Variants in ANXA6 observed in about 807,000 individuals in gnomAD.
ANXA6 encodes the protein 67 kDa calelectrin.
A neutral mutation model predicts 95.4 loss-of-function variants in ANXA6; 71 were observed. The ratio of observed to expected loss-of-function variants is 0.74; its 90% CI spans 0.61 to 0.91. The LOEUF (loss-of-function observed/expected upper bound fraction) is 0.91, where lower values mean the gene tolerates loss of function less well. ANXA6 is among the 40% of genes least tolerant of loss of function. The pLI is 0.00. For missense variants in ANXA6, 830 were observed against 876.4 expected, an observed-to-expected ratio of 0.95 and a Z score of 0.67; for synonymous variants, 289 against 315.9, an observed-to-expected ratio of 0.91 and a Z score of 0.90.
chr5:151,154,816 C>T (rs1458223029), intron 1 of ANXA6: 1 of 152,226 alleles, frequency 6.6e-6, no homozygotes, highest in African/African-American at 2.4e-5. Context: ...TAGGTTTGAA[C>T]CCCAGCTTGG....
At chr5:151,104,599 A>C (rs540448974) in intron 24 of ANXA6, among the ~76,000 whole-genome samples, 10 of 152,240 alleles carry the variant, frequency 6.6e-5, no homozygotes, top group Non-Finnish European at 1.3e-4. Context: ...GTGAGTGCTC[A>C]ATGAATGGCT....
chr5:151,133,407 C>A, intron 8 of ANXA6: 1 of 544,740 alleles, frequency 1.8e-6, no homozygotes, highest in Non-Finnish European at 3.3e-6. Flanking sequence ...TCATAGAGCA[C>A]TCGCACACAC....
intron 8 of ANXA6, 135 bp downstream of exon 8, chr5:151,134,292 C>T (rs1444231670): frequency 2.5e-6 from 2 of 811,974 alleles, no homozygotes; most frequent in East Asian, 2.4e-5. Flanking sequence ...CACCGGTATA[C>T]ATGACAGCTG....
At chr5:151,133,715 T>C (rs560998372) in intron 8 of ANXA6, among the ~76,000 whole-genome samples, 2 of 152,336 alleles carry the variant, frequency 1.3e-5, no homozygotes, top group South Asian at 4.1e-4. Context: ...TATACCTATA[T>C]GCCTTTCTTC....
At chr5:151,110,338 A>T (rs758602855) in intron 21 of ANXA6, among the ~76,000 whole-genome samples, 1 of 150,636 alleles carries the variant, frequency 6.6e-6, no homozygotes, top group African/African-American at 2.5e-5. Flanking sequence ...AGTTCTATTT[A>T]TACTGATAGT....
chr5:151,140,924 G>A (rs939514782), intron 2 of ANXA6, among the ~76,000 whole-genome samples: 1 of 152,200 alleles, frequency 6.6e-6, no homozygotes, highest in Non-Finnish European at 1.5e-5. Flanking sequence ...CCAGCTCCAG[G>A]AACCTTGCAG....
chr5:151,103,343 A>C (rs546226624), intron 25 of ANXA6, among the ~76,000 whole-genome samples: 1 of 152,330 alleles, frequency 6.6e-6, no homozygotes, highest in South Asian at 2.1e-4. Flanking sequence ...AAAAAAGCAA[A>C]AAATGGGCTC....
chr5:151,105,972 G>A (rs575781706), intron 23 of ANXA6, among the ~76,000 whole-genome samples: 4 of 152,144 alleles, frequency 2.6e-5, no homozygotes, highest in Admixed American at 6.5e-5. Flanking sequence ...AAAGCCTTGC[G>A]CAAATCAGGA....
intron 12 of ANXA6, chr5:151,128,510 A>G (rs1765395734): frequency 1.2e-5 from 5 of 427,562 alleles, no homozygotes; most frequent in Non-Finnish European, 2.2e-5. Flanking sequence ...TTTGCTACCA[A>G]TATGCGGAGT....
intron 20 of ANXA6, 114 bp downstream of exon 20, chr5:151,117,013 C>T (rs753058825): frequency 4.8e-5 from 45 of 937,568 alleles, no homozygotes; most frequent in East Asian, 3.5e-4. Context: ...AAACCAACCA[C>T]GCCCCTGCCA....
intron 2 of ANXA6, among the ~76,000 whole-genome samples, chr5:151,144,311 TAGC>T (rs763144124): frequency 3.9e-5 from 6 of 152,360 alleles, no homozygotes; most frequent in Non-Finnish European, 5.9e-5. Flanking sequence ...AACAGTCAAA[TAGC>T]AGCAGATTTC....
intron 20 of ANXA6, among the ~76,000 whole-genome samples, chr5:151,116,490 C>A (rs559792389): frequency 6.6e-6 from 1 of 152,312 alleles, no homozygotes; most frequent in East Asian, 1.9e-4. Context: ...CAGAAGAAGC[C>A]ATTTCCAGAC....
chr5:151,101,404 C>T lies in ANXA6; in HGVS notation c.*44G>A, dbSNP rs371158375. The T allele has an allele frequency of 4.7e-4, 678 of 1,448,152 alleles. 7 individuals carry two copies. The South Asian group carries it at 7.4e-3, about 16-fold the overall frequency. 89.7% of individuals were successfully genotyped at this position (1,448,152 alleles called of 1,614,324 possible). On this transcript the variant is annotated 3_prime_UTR_variant, in exon 26 of 26. Transcript: ENST00000354546. ...TCAGGCTTGGCCATGGCGGCTGGTG[C>T]TGATAACCATTTCTTGGCAGAAGTG...
At chr5:151,146,099 A>C (rs1765969706) in intron 2 of ANXA6, among the ~76,000 whole-genome samples, 2 of 152,110 alleles carry the variant, frequency 1.3e-5, no homozygotes, top group Non-Finnish European at 2.9e-5. Context: ...GGTCTACTGA[A>C]CCCTAGTCCA....
At chr5:151,114,205 T>C (rs1470413572) in intron 20 of ANXA6, among the ~76,000 whole-genome samples, 1 of 152,114 alleles carries the variant, frequency 6.6e-6, no homozygotes, top group Non-Finnish European at 1.5e-5. Flanking sequence ...CTAAAATTGA[T>C]TGTGGTGATG....
chr5:151,119,239 G>A, intron 18 of ANXA6, 61 bp downstream of exon 18: 1 of 1,392,610 alleles, frequency 7.2e-7, no homozygotes, highest in Non-Finnish European at 1.0e-6. Context: ...GTGGGCTGGG[G>A]TTGGAAGTTG....
At position 151,110,511 on chromosome 5, in the gene ANXA6, G is replaced by C. The variant is rs1764819900; in HGVS notation, c.1590+116C>G. On this transcript the variant is annotated intron_variant, in intron 21 of 25. Transcript: ENST00000354546. The stretch of plus-strand genomic sequence containing the variant: ...ACCAAGCAGGGCCCGGAAGGGGAGA[G>C]AGAGAAGCCGCACAGCAAGCTCCCA... The C allele has an allele frequency of 3.4e-6, 4 of 1,166,268 alleles. No individual in the cohort carries two copies. In the Admixed American group the frequency reaches 8.3e-5, roughly 24 times the overall value. 72.2% of individuals were successfully genotyped at this position (1,166,268 alleles called of 1,614,324 possible).
chr5:151,105,943 C>T (rs186605220), intron 23 of ANXA6, among the ~76,000 whole-genome samples: 5 of 152,282 alleles, frequency 3.3e-5, no homozygotes, highest in Admixed American at 1.3e-4. Context: ...ATGACTTTTG[C>T]ACCAACCTAA....
intron 20 of ANXA6, among the ~76,000 whole-genome samples, chr5:151,115,214 G>A (rs918082961): frequency 6.6e-6 from 1 of 152,166 alleles, no homozygotes; most frequent in Non-Finnish European, 1.5e-5. Context: ...TATATACATA[G>A]AGAAGCAACT....
Sources: gnomAD v4.1 joint callset for allele counts (sites outside exome capture counted in the v4.1 genomes callset) on GRCh38, gnomAD v4.1.1 for gene constraint, MANE v1.5 for transcripts, NCBI Gene and HGNC (gene_info 2026-07-23, HGNC 2026-07-21) for gene names.